The following DST variants were observed in gnomAD, a reference collection of about 807,000 sequenced individuals.
The protein encoded by DST is dystonin.
Under a neutral mutation model 875.2 loss-of-function variants are expected in DST, and 253 were observed. The observed-to-expected ratio is 0.29, with a 90% confidence interval of 0.26 to 0.32. The LOEUF is 0.32. DST is among the 10% of genes least tolerant of loss of function. The pLI is 1.00. For synonymous variants in DST, 3,124 were observed against 3,197.1 expected (o/e 0.98, Z 0.77); for missense variants, 8,287 against 9,111.6 (o/e 0.91, Z 3.68).
At chr6:56,860,448 A>G (rs1770448011) in intron 3 of DST, among the ~76,000 whole-genome samples, 1 of 152,208 alleles carries the variant, frequency 6.6e-6, no homozygotes, top group Non-Finnish European at 1.5e-5. Context: ...TTCTACTGAC[A>G]TCCAAGTGTT....
intron 4 of DST, among the ~76,000 whole-genome samples, chr6:56,769,192 A>ATTTT (rs2099642971): frequency 6.6e-6 from 1 of 152,212 alleles, no homozygotes; most frequent in African/African-American, 2.4e-5. Flanking sequence ...AGCATATAAA[A>ATTTT]AGATGCTCAA....
At chr6:56,820,327 G>C (rs1290769714) in intron 4 of DST, among the ~76,000 whole-genome samples, 1 of 152,222 alleles carries the variant, frequency 6.6e-6, no homozygotes, top group Non-Finnish European at 1.5e-5. Flanking sequence ...TAGTATGCTA[G>C]AGCCAACTCA....
intron 4 of DST, among the ~76,000 whole-genome samples, chr6:56,816,376 T>C (rs1450385944): frequency 6.6e-6 from 1 of 152,168 alleles, no homozygotes. Context: ...AGGAGAATAG[T>C]GAGACCTGTT....
rs746334674 is a variant in DST, at chr6:56,631,942, G to C, written c.3904C>G (p.Arg1302Gly). The C allele has an allele frequency of 1.9e-5, 30 of 1,613,718 alleles. No homozygotes were observed. In the African/African-American group the frequency reaches 3.2e-4, roughly 17 times the overall value. The change falls in exon 29 of 104, where the codon CGA becomes GGA. Residue 1302 changes from arginine (R) to glycine (G), a missense_variant. Arg to Gly is a moderately radical substitution (Grantham distance 125, BLOSUM62 -2). Around this residue, in one of 10 missense-constraint regions of DST, gnomAD observed 3,138 missense variants for 3,116.6 expected, o/e 1.01. Coordinates refer to ENST00000680361, the MANE Select transcript of DST (RefSeq NM_001374736.1). The stretch of plus-strand genomic sequence containing the variant: ...AAATCATCTCTTTCCAGGGGAGTTC[G>C]AATCTGTCTAATCAGCCGATCTTCA... ...NCEDRLIRQIRTPLERDDLHE... is the reference protein window; with the variant it reads ...NCEDRLIRQIGTPLERDDLHE...
Position 56,594,088 on chromosome 6 carries a change from T to C in DST, c.12301A>G (p.Lys4101Glu). 1 of 1,611,440 alleles carries C rather than the reference T, an allele frequency of 6.2e-7. No individual in the cohort carries two copies. The highest frequency in any genetic ancestry group is 8.5e-7 in the Non-Finnish European group (1 of 1,179,368). The change falls in exon 48 of 104, where the codon AAA (lysine) becomes GAA (glutamate). Residue 4101 changes from lysine (K) to glutamate (E), a missense_variant. Lys to Glu is a moderately conservative substitution (Grantham distance 56). Around this residue, in one of 10 missense-constraint regions of DST, gnomAD observed 1,513 missense variants for 1,677.8 expected, o/e 0.90. Coordinates refer to ENST00000680361, the MANE Select transcript of DST (RefSeq NM_001374736.1). ...TTCATGTTCTTTTGCAGTTTCTCTT[T>C]TTCTTCAGGAGAGAGATACTGACCC... ...KQGQYLSPEE[K>E]EKLQKNMKEL...
intron 4 of DST, among the ~76,000 whole-genome samples, chr6:56,762,764 T>C (rs1197480847): frequency 6.6e-6 from 1 of 152,188 alleles, no homozygotes; most frequent in Non-Finnish European, 1.5e-5. Context: ...GATTAGTTTA[T>C]TGCTCTCATT....
At chr6:56,750,796 A>G (rs994137836) in intron 4 of DST, among the ~76,000 whole-genome samples, 2 of 152,226 alleles carry the variant, frequency 1.3e-5, no homozygotes, top group African/African-American at 2.4e-5. Flanking sequence ...CTGAGATAGC[A>G]CTGATGGGAG....
chr6:56,663,543 C>T (rs895717117), intron 10 of DST, among the ~76,000 whole-genome samples: 2 of 152,314 alleles, frequency 1.3e-5, no homozygotes, highest in South Asian at 2.1e-4. Context: ...ATTTCAAACC[C>T]TAAAGGGCCT....
intron 10 of DST, among the ~76,000 whole-genome samples, chr6:56,666,231 T>A (rs2099071578): frequency 6.6e-6 from 1 of 152,118 alleles, no homozygotes; most frequent in African/African-American, 2.4e-5. Context: ...ATGGAAACAC[T>A]AATAAAAATG....
At chr6:56,666,274 A>G (rs892655679) in intron 10 of DST, among the ~76,000 whole-genome samples, 1 of 152,184 alleles carries the variant, frequency 6.6e-6, no homozygotes, top group African/African-American at 2.4e-5. Flanking sequence ...TATTTGATTA[A>G]TAACTTATAA....
At position 56,578,850 on chromosome 6, in the gene DST, A is replaced by T. The variant is rs761492685; in HGVS notation, c.12991T>A (p.Leu4331Ile). The T allele has an allele frequency of 6.2e-7, 1 of 1,611,924 alleles. No individual in the cohort carries two copies. The highest frequency in any genetic ancestry group is 1.1e-5 in the South Asian group (1 of 90,422). ...AEVLLDARGS[L>I]LPAKNDIQKT... Reference sequence around the variant, plus strand: ...TGGATATCATTCTTGGCTGGAAGTAAAGATCCCCTGGCATCTAAAAGCACT... The same window carrying T: ...TGGATATCATTCTTGGCTGGAAGTATAGATCCCCTGGCATCTAAAAGCACT... The change falls in exon 50 of 104, where the codon TTA becomes ATA. Residue 4331 changes from leucine to isoleucine, a missense_variant. By Grantham distance (5) the Leu-to-Ile change is conservative (BLOSUM62 2). Coordinates refer to ENST00000680361, the MANE Select transcript of DST (RefSeq NM_001374736.1).
chr6:56,489,728 A>G, intron 85 of DST, 119 bp from the exon 86 acceptor site: 2 of 982,170 alleles, frequency 2.0e-6, no homozygotes, highest in Non-Finnish European at 2.8e-6. Flanking sequence ...TTATTTCAAA[A>G]TTTCCACTGA....
At chr6:56,794,256 T>C (rs1247346851) in intron 4 of DST, among the ~76,000 whole-genome samples, 1 of 152,224 alleles carries the variant, frequency 6.6e-6, no homozygotes, top group Non-Finnish European at 1.5e-5. Context: ...TGAAGCCTTT[T>C]ACCATCTCTT....
intron 10 of DST, 118 bp from the exon 11 acceptor site, chr6:56,651,362 T>A: frequency 1.8e-6 from 1 of 568,226 alleles, no homozygotes; most frequent in Non-Finnish European, 3.0e-6. Flanking sequence ...AAGCCTGCGT[T>A]AAAATGCAGA....
chr6:56,893,562 CTTTTT>C (rs1282483681), intron 3 of DST, among the ~76,000 whole-genome samples: 20 of 35,902 alleles, frequency 5.6e-4, no homozygotes, highest in East Asian at 4.7e-3. Context: ...ACTTTTAGTT[CTTTTT>C]TTTTTTTTTT....
chr6:56,869,424 G>A lies in DST; in HGVS notation c.418-17820C>T, dbSNP rs182731896. Among the ~76,000 whole-genome samples the A allele has an allele frequency of 3.3e-5, 5 of 152,180 alleles. No homozygotes were observed. In the South Asian group the frequency reaches 6.2e-4, roughly 19 times the overall value. On this transcript the variant is annotated intron_variant, in intron 3 of 103. Coordinates refer to ENST00000680361, the MANE Select transcript of DST (RefSeq NM_001374736.1). ...CAAACAGGAGACAGAAGAGTAGGAC[G>A]ACCTGCTCAGGGGACAGAAGACAAA...
At position 56,893,579 on chromosome 6, in the gene DST, T is replaced by A. The variant is rs1268127886; in HGVS notation, c.417+6842A>T. ...TTTTAGTTCTTTTTTTTTTTTTTTTTTTTTTTTTATTTTTTTTTATTTTTT... is the reference window on the plus strand; with the variant it reads ...TTTTAGTTCTTTTTTTTTTTTTTTTATTTTTTTTATTTTTTTTTATTTTTT... On this transcript the variant is annotated intron_variant, in intron 3 of 103. Transcript: ENST00000680361. 3.8e-3 allele frequency among the ~76,000 whole-genome samples: 265 copies of A among 69,208 alleles called. 18 individuals carry two copies. The highest frequency in any genetic ancestry group is 7.7e-3 in the African/African-American group (72 of 9,328). 45.4% of individuals were successfully genotyped at this position (69,208 alleles called of 152,430 possible).
intron 4 of DST, among the ~76,000 whole-genome samples, chr6:56,797,873 C>G (rs1438608759): frequency 1.3e-5 from 2 of 150,146 alleles, no homozygotes; most frequent in East Asian, 1.9e-4. Flanking sequence ...TAAGAAACAG[C>G]CTTACTGCTG....
intron 29 of DST, among the ~76,000 whole-genome samples, chr6:56,631,669 A>G (rs1476345233): frequency 6.6e-6 from 1 of 152,150 alleles, no homozygotes; most frequent in Non-Finnish European, 1.5e-5. Flanking sequence ...CTTCATCACA[A>G]TGAAGGTGAG....
Sources: allele counts gnomAD v4.1 joint callset (sites outside exome capture counted in the v4.1 genomes callset), GRCh38; gene constraint gnomAD v4.1.1; regional missense constraint gnomAD v4.1.1; transcripts MANE v1.5; gene names NCBI Gene and HGNC (gene_info 2026-07-23, HGNC 2026-07-21).